UGT2A1: variants seen among roughly 807,000 people sequenced by gnomAD.
UGT2A1 encodes the protein UDP glucuronosyltransferase family 2 member A1 complex locus, also known as UDP-glucuronosyltransferase 2A1.
A neutral mutation model predicts 45.4 loss-of-function variants in UGT2A1; 61 were observed. The ratio of observed to expected loss-of-function variants is 1.34; its 90% CI spans 1.09 to 1.66. The LOEUF (loss-of-function observed/expected upper bound fraction) is 1.66. Ranked by LOEUF, UGT2A1 falls within the 40% of genes most tolerant of loss-of-function variation. The probability of loss-of-function intolerance (pLI) is 0.00; values close to 1 mark genes in which losing one functional copy is unlikely to be tolerated. For synonymous variants in UGT2A1, 229 were observed against 196.2 expected (o/e 1.17, Z -1.40); for missense variants, 649 against 574.3 (o/e 1.13, Z -1.33).
intron 3 of UGT2A1, among the ~76,000 whole-genome samples, 181 bp downstream of exon 3, chr4:69,635,510 C>CAGA (rs1420287833): frequency 1.1e-4 from 16 of 152,142 alleles, no homozygotes; most frequent in Admixed American, 9.2e-4. Context: ...TGCTGTACAG[C>CAGA]AGATCTCTTA....
chr4:69,610,944 T>C (rs1719999114), intron 3 of UGT2A1, among the ~76,000 whole-genome samples: 1 of 152,168 alleles, frequency 6.6e-6, no homozygotes, highest in African/African-American at 2.4e-5. Context: ...CTTTGGTTTG[T>C]TAGTTCACAT....
At chr4:69,608,054 G>A (rs1719771444) in intron 3 of UGT2A1, among the ~76,000 whole-genome samples, 1 of 152,134 alleles carries the variant, frequency 6.6e-6, no homozygotes, top group Admixed American at 6.5e-5. Context: ...ATTTGATCCA[G>A]CCATCCCATT....
chr4:69,589,760 G>T (rs2288741), intron 6 of UGT2A1, 109 bp from the exon 7 acceptor site: 1,106,715 of 1,426,022 alleles, frequency 0.78, 430,534 homozygotes, highest in South Asian at 0.85. Flanking sequence ...ATAGTTACGT[G>T]GAGAAAATAT....
At chr4:69,610,213 A>G (rs1719954206) in intron 3 of UGT2A1, among the ~76,000 whole-genome samples, 1 of 151,250 alleles carries the variant, frequency 6.6e-6, no homozygotes, top group Non-Finnish European at 1.5e-5. Flanking sequence ...AAAGTTCATG[A>G]GTCAATCTTG....
intron 3 of UGT2A1, among the ~76,000 whole-genome samples, chr4:69,631,226 AAATTAGTTAAGTGGGC>A (rs1380271093): frequency 1.3e-5 from 2 of 152,140 alleles, no homozygotes; most frequent in Non-Finnish European, 2.9e-5. Flanking sequence ...TGTTTTAGTG[AAATTAGTTAAGTGGGC>A]TTTGGAGGTA....
At chr4:69,596,423 A>G (rs906307161) in intron 4 of UGT2A1, 8 of 1,433,412 alleles carry the variant, frequency 5.6e-6, no homozygotes, top group Middle Eastern at 1.9e-4. Context: ...GTGTAGCATC[A>G]TAAGAAAAAA....
intron 3 of UGT2A1, among the ~76,000 whole-genome samples, chr4:69,627,875 G>A (rs1721178716): frequency 6.6e-6 from 1 of 151,832 alleles, no homozygotes; most frequent in Non-Finnish European, 1.5e-5. Flanking sequence ...AAAAGAGAAT[G>A]GAGATAAAAA....
rs779712797 is a variant in UGT2A1, at chr4:69,647,590, G to A, written c.55C>T (p.Leu19Phe). 3 of 1,609,162 alleles carry A rather than the reference G, an allele frequency of 1.9e-6. No homozygotes were observed. The highest frequency in any genetic ancestry group is 1.7e-4 in the Middle Eastern group (1 of 6,050). The change falls in exon 2 of 7, where the codon CTT (leucine) becomes TTT (phenylalanine). Residue 19 changes from leucine (L) to phenylalanine (F), a missense_variant. Coordinates refer to ENST00000286604, the MANE Select transcript of UGT2A1 (RefSeq NM_001252275.3). The part of the protein sequence containing the change: ...SLQISLIGTT[L>F]GGNVLIWPME... Reference sequence around the variant, plus strand: ...GGCCAAATCAAAACATTCCCACCAAGAGTGGTTCCTATGAGACTTATCTGA... The same window carrying A: ...GGCCAAATCAAAACATTCCCACCAAAAGTGGTTCCTATGAGACTTATCTGA...
chr4:69,592,161 T>C (rs1718631429), intron 6 of UGT2A1, among the ~76,000 whole-genome samples: 1 of 152,154 alleles, frequency 6.6e-6, no homozygotes, highest in African/African-American at 2.4e-5. Flanking sequence ...TTACTTCCGT[T>C]AAGAAAAAGC....
At chr4:69,634,184 G>T (rs970853745) in intron 3 of UGT2A1, among the ~76,000 whole-genome samples, 3 of 152,088 alleles carry the variant, frequency 2.0e-5, no homozygotes, top group South Asian at 4.2e-4. Context: ...GGCGGAGCTT[G>T]CAGTGAGCCG....
intron 3 of UGT2A1, among the ~76,000 whole-genome samples, chr4:69,617,437 G>T (rs1423309882): frequency 6.6e-6 from 1 of 151,862 alleles, no homozygotes; most frequent in Admixed American, 6.6e-5. Context: ...TAACATGTAA[G>T]AAATGTATAT....
At chr4:69,601,630 G>A (rs1031915282) in intron 3 of UGT2A1, among the ~76,000 whole-genome samples, 11 of 152,048 alleles carry the variant, frequency 7.2e-5, no homozygotes, top group South Asian at 2.1e-4. Flanking sequence ...ATGCCAGTAC[G>A]TTACTACCAC....
At chr4:69,640,574 G>C (rs1721999208) in intron 2 of UGT2A1, among the ~76,000 whole-genome samples, 1 of 151,682 alleles carries the variant, frequency 6.6e-6, no homozygotes, top group Non-Finnish European at 1.5e-5. Context: ...ATCATTACAG[G>C]CTACCATTAA....
intron 6 of UGT2A1, among the ~76,000 whole-genome samples, chr4:69,591,909 C>G (rs1012585263): frequency 6.6e-6 from 1 of 152,124 alleles, no homozygotes; most frequent in African/African-American, 2.4e-5. Context: ...CTTGCTGAAG[C>G]TCCTAACCCA....
intron 3 of UGT2A1, among the ~76,000 whole-genome samples, chr4:69,634,081 T>TA (rs552939705): frequency 1.3e-5 from 2 of 151,876 alleles, no homozygotes; most frequent in South Asian, 4.2e-4. Flanking sequence ...CCGTCTCTAC[T>TA]AAAAATACAA....
chr4:69,621,314 C>T (rs1720741825), intron 3 of UGT2A1, among the ~76,000 whole-genome samples: 2 of 151,734 alleles, frequency 1.3e-5, no homozygotes, highest in South Asian at 2.1e-4. Context: ...AAGAAACAAC[C>T]TCATTAAAAA....
intron 3 of UGT2A1, among the ~76,000 whole-genome samples, chr4:69,633,020 T>A (rs146618540): frequency 1.7e-3 from 264 of 152,104 alleles, no homozygotes; most frequent in African/African-American, 6.2e-3. Flanking sequence ...AAAGTTGAAA[T>A]GATAAGAGGA....
At position 69,589,087 on chromosome 4, in the gene UGT2A1, A is replaced by G. The variant is rs1188705033; in HGVS notation, c.*285T>C. 2.8e-5 allele frequency: 7 copies of G among 249,532 alleles called. No individual in the cohort carries two copies. The highest frequency in any genetic ancestry group is 5.4e-5 in the Non-Finnish European group (7 of 130,364). The allele number at this position is 249,532 out of a possible 1,614,324, so 15.5% of individuals were successfully genotyped here. A position where few individuals can be genotyped will look rare whatever the true frequency, so the allele number is the denominator to read the frequency against. On this transcript the variant is annotated 3_prime_UTR_variant, in exon 7 of 7. Transcript: ENST00000286604. ...TAATTTGATACTATGAATAGAACAT[A>G]TTTAAAATTAGGTAGTATCCTTGTG...
chr4:69,594,509 A>G lies in UGT2A1; in HGVS notation c.1272T>C (p.Leu424=), dbSNP rs751040289. 11 of 1,614,020 alleles carry G rather than the reference A, an allele frequency of 6.8e-6. No individual in the cohort carries two copies. The highest frequency in any genetic ancestry group is 1.7e-5 in the Admixed American group (1 of 59,990). ...NLNTMTSVDL[L]SALRTVINEP... The stretch of plus-strand genomic sequence containing the variant: ...CATTAATGACTGTTCTCAAAGCGCT[A>G]AGCAAATCCACACTTGTCATTGTGT... The change falls in exon 6 of 7, where the codon CTT becomes CTC. Residue 424 remains leucine, a synonymous_variant. Transcript: ENST00000286604.
Sources: gnomAD v4.1 joint callset for allele counts (sites outside exome capture counted in the v4.1 genomes callset) on GRCh38, gnomAD v4.1.1 for gene constraint, MANE v1.5 for transcripts, NCBI Gene and HGNC (gene_info 2026-07-23, HGNC 2026-07-21) for gene names.